The following CNOT6 variants were observed in gnomAD, a reference collection of about 807,000 sequenced individuals.
The protein encoded by CNOT6 is carbon catabolite repression 4 protein.
Under a neutral mutation model 61.2 loss-of-function variants are expected in CNOT6, and 12 were observed. The observed-to-expected ratio is 0.20, with a 90% CI of 0.13 to 0.32. The LOEUF (loss-of-function observed/expected upper bound fraction) is 0.32. CNOT6 is among the 10% of genes least tolerant of loss of function. The pLI is 1.00. For synonymous variants in CNOT6, 225 were observed against 240.6 expected (o/e 0.94, Z 0.60); for missense variants, 405 against 663.9 (o/e 0.61, Z 4.28).
chr5:180,538,688 A>G (rs1328654320), intron 2 of CNOT6, among the ~76,000 whole-genome samples: 2 of 19,988 alleles, frequency 1.0e-4, no homozygotes, highest in South Asian at 1.2e-3. Flanking sequence ...AGAAAAAGGT[A>G]TATATATATA....
intron 3 of CNOT6, among the ~76,000 whole-genome samples, chr5:180,551,996 G>A (rs1759625675): frequency 6.6e-6 from 1 of 151,594 alleles, no homozygotes; most frequent in African/African-American, 2.4e-5. Flanking sequence ...AGCCTTTCAA[G>A]TAGCTGGGAT....
chr5:180,532,174 A>G (rs907109229), intron 2 of CNOT6, among the ~76,000 whole-genome samples: 1 of 152,234 alleles, frequency 6.6e-6, no homozygotes, highest in Non-Finnish European at 1.5e-5. Context: ...CTCAAAGCAC[A>G]GTCAGTCACC....
intron 1 of CNOT6, 83 bp downstream of exon 1, chr5:180,494,846 C>T (rs1358304329): frequency 6.6e-6 from 1 of 151,972 alleles, no homozygotes; most frequent in Admixed American, 6.5e-5. Context: ...CGGCCGGGCT[C>T]GGTCGCGGGC....
intron 2 of CNOT6, among the ~76,000 whole-genome samples, chr5:180,538,684 A>C (rs1758843596): frequency 2.8e-5 from 1 of 35,602 alleles, no homozygotes; most frequent in Non-Finnish European, 6.4e-5. Flanking sequence ...TCTGAGAAAA[A>C]GGTATATATA....
intron 9 of CNOT6, among the ~76,000 whole-genome samples, chr5:180,568,377 CCTGAT>C (rs1247889638): frequency 1.3e-5 from 2 of 151,506 alleles, no homozygotes; most frequent in African/African-American, 4.9e-5. Flanking sequence ...AACTTCTTTT[CCTGAT>C]CTATTTAAAA....
chr5:180,530,713 G>A (rs1401025209), intron 2 of CNOT6, among the ~76,000 whole-genome samples: 8 of 152,086 alleles, frequency 5.3e-5, no homozygotes, highest in African/African-American at 9.7e-5. Context: ...AGGACCCTGC[G>A]GCCTTCCGCA....
chr5:180,529,197 C>CAA (rs71591495), intron 1 of CNOT6, 78 bp from the exon 2 acceptor site: 20,888 of 570,352 alleles, frequency 0.037, 64 homozygotes, highest in Middle Eastern at 0.048. Context: ...GACTTCGTCT[C>CAA]AAAAAAAAAA....
rs1398823172 is a variant in CNOT6, at chr5:180,494,634, G to A, written c.-132G>A. 1.9e-5 allele frequency: 3 copies of A among 158,810 alleles called. No homozygotes were observed. Among genetic ancestry groups the A allele is most frequent in the African/African-American group, 7.3e-5 (3 of 41,290 alleles). The allele number at this position is 158,810 out of a possible 1,614,324, so 9.8% of individuals were successfully genotyped here. ...ACAAAGAGCAGCGACTAAGGCGGCA[G>A]AGGAGCGGCGGCGGTGGCGGCGCTG... On this transcript the variant is annotated 5_prime_UTR_variant, in exon 1 of 12. Transcript: ENST00000261951.
chr5:180,530,181 C>T (rs140618327), intron 2 of CNOT6, among the ~76,000 whole-genome samples: 44 of 152,312 alleles, frequency 2.9e-4, no homozygotes, highest in African/African-American at 9.6e-4. Flanking sequence ...CAAATTTTGT[C>T]GTCTTTCACC....
chr5:180,571,195 ATATT>A (rs1350275826), intron 10 of CNOT6, 31 bp from the exon 11 acceptor site: 32 of 1,416,638 alleles, frequency 2.3e-5, no homozygotes, highest in Non-Finnish European at 3.1e-5. Flanking sequence ...CTTTTTGTAT[ATATT>A]TGACAATAAA....
intron 1 of CNOT6, among the ~76,000 whole-genome samples, chr5:180,500,114 TTTTC>T (rs1756804613): frequency 6.6e-6 from 1 of 151,682 alleles, no homozygotes; most frequent in Non-Finnish European, 1.5e-5. Context: ...TTTCCCCCCT[TTTTC>T]TTTCTTTTGC....
intron 11 of CNOT6, 151 bp downstream of exon 11, chr5:180,571,583 T>G (rs927671783): frequency 1.1e-5 from 7 of 652,346 alleles, no homozygotes; most frequent in Non-Finnish European, 1.9e-5. Flanking sequence ...GTTTTTTGTT[T>G]GAGACAAGGT....
intron 1 of CNOT6, among the ~76,000 whole-genome samples, chr5:180,527,160 A>AC: frequency 6.6e-6 from 1 of 152,360 alleles, no homozygotes; most frequent in East Asian, 1.9e-4. Flanking sequence ...TGCCTGAATC[A>AC]CAATACTTGT....
At chr5:180,556,951 G>A (rs996594281) in intron 4 of CNOT6, among the ~76,000 whole-genome samples, 5 of 148,204 alleles carry the variant, frequency 3.4e-5, no homozygotes, top group South Asian at 2.1e-4. Context: ...GCGAGACTCC[G>A]TCTCAAAAAA....
chr5:180,565,981 A>C lies in CNOT6; in HGVS notation c.717+4A>C. ...TGCTGATATCGTAAGTCTTCAGGTA[A>C]GTCAGACAGAAGACAGTCAACCTAG... On this transcript the variant is annotated splice_donor_region_variant and intron_variant, in intron 7 of 11. Coordinates refer to ENST00000261951, the MANE Select transcript of CNOT6 (RefSeq NM_001370472.1). 6.2e-7 allele frequency: 1 copy of C among 1,609,586 alleles called. No homozygotes were observed. The highest frequency in any genetic ancestry group is 8.5e-7 in the Non-Finnish European group (1 of 1,177,332).
chr5:180,515,776 C>T (rs1044628856), intron 1 of CNOT6, among the ~76,000 whole-genome samples: 2 of 152,120 alleles, frequency 1.3e-5, no homozygotes, highest in African/African-American at 4.8e-5. Flanking sequence ...TCCTTACCTC[C>T]CTTCCTTTCC....
In CNOT6 at chr5:180,575,513, T is replaced by C. The variant is rs982548534; in HGVS notation, c.*1313T>C. 2 of 152,378 alleles carry C rather than the reference T, an allele frequency of 1.3e-5. No individual in the cohort carries two copies. The highest frequency in any genetic ancestry group is 6.6e-5 in the Admixed American group (1 of 15,262). The allele number at this position is 152,378 out of a possible 1,614,324, so 9.4% of individuals were successfully genotyped here. On this transcript the variant is annotated 3_prime_UTR_variant, in exon 12 of 12. Transcript: ENST00000261951. ...TTTTTAAGAAGAAGTAATTTTCCAT[T>C]TATGAAGCAGTATGAATTAGATGTA... is the stretch of plus-strand genomic sequence containing the variant.
chr5:180,514,137 C>T (rs532881821), intron 1 of CNOT6, among the ~76,000 whole-genome samples: 19 of 151,648 alleles, frequency 1.3e-4, no homozygotes, highest in East Asian at 7.9e-4. Context: ...TGAAACTTCT[C>T]GATTTTATAG....
At chr5:180,565,218 T>C (rs193271137) in intron 6 of CNOT6, among the ~76,000 whole-genome samples, 1 of 152,236 alleles carries the variant, frequency 6.6e-6, no homozygotes, top group Non-Finnish European at 1.5e-5. Context: ...ATGAGAAGTT[T>C]CCAAATCCTA....
Sources: gnomAD v4.1 joint callset for allele counts (sites outside exome capture counted in the v4.1 genomes callset) on GRCh38, gnomAD v4.1.1 for gene constraint, MANE v1.5 for transcripts, NCBI Gene and HGNC (gene_info 2026-07-23, HGNC 2026-07-21) for gene names.